STK39: variants seen among roughly 807,000 people sequenced by gnomAD.
STK39 encodes STE20/SPS1-related proline-alanine-rich protein kinase.
STK39 carries 20 observed loss-of-function variants against 77.8 expected under a neutral mutation model. The ratio of observed to expected loss-of-function variants is 0.26; its 90% CI spans 0.18 to 0.37. STK39 has a LOEUF of 0.37. Ranked by LOEUF, STK39 falls within the 10% of genes least tolerant of loss-of-function variation. The pLI is 1.00. For synonymous variants in STK39, 246 were observed against 234.1 expected, an observed-to-expected ratio of 1.05 and a Z score of -0.47; for missense variants, 479 against 656.5, an observed-to-expected ratio of 0.73 and a Z score of 2.95.
chr2:168,032,566 C>A (rs1684855467), intron 14 of STK39, among the ~76,000 whole-genome samples: 1 of 152,184 alleles, frequency 6.6e-6, no homozygotes, highest in Admixed American at 6.5e-5. Flanking sequence ...TCTTTCCTGA[C>A]CTCTTGAGTA....
chr2:168,167,157 G>A (rs1165950229), intron 3 of STK39, 142 bp downstream of exon 3: 24 of 686,032 alleles, frequency 3.5e-5, no homozygotes, highest in Middle Eastern at 2.8e-4. Flanking sequence ...CAATCTGGAC[G>A]TTATCCTCTA....
At chr2:168,184,276 T>C (rs1689151907) in intron 1 of STK39, among the ~76,000 whole-genome samples, 1 of 152,200 alleles carries the variant, frequency 6.6e-6, no homozygotes. Context: ...AATCTTTTAT[T>C]AAAGCTTTAC....
At chr2:168,069,627 C>T (rs1231335436) in intron 12 of STK39, among the ~76,000 whole-genome samples, 1 of 152,230 alleles carries the variant, frequency 6.6e-6, no homozygotes, top group African/African-American at 2.4e-5. Context: ...AGCACACCAG[C>T]TTCCTGGATT....
At chr2:168,012,507 A>G (rs775039300) in intron 16 of STK39, 127 bp downstream of exon 16, 77 of 742,386 alleles carry the variant, frequency 1.0e-4, no homozygotes, top group Non-Finnish European at 1.6e-4. Flanking sequence ...TACATAAAAG[A>G]TAAGAATTCA....
chr2:168,177,370 G>A (rs1261262750), intron 2 of STK39, among the ~76,000 whole-genome samples: 3 of 152,148 alleles, frequency 2.0e-5, no homozygotes, highest in African/African-American at 7.2e-5. Context: ...ATGAGCAAAT[G>A]AGGCTGAATT....
At chr2:168,121,058 A>G (rs7581207) in intron 10 of STK39, among the ~76,000 whole-genome samples, 119,674 of 152,140 alleles carry the variant, frequency 0.79, 47,134 homozygotes, top group Non-Finnish European at 0.81. Flanking sequence ...AATGACAAAT[A>G]CGCTCCCATT....
chr2:168,192,828 C>G (rs141702500), intron 1 of STK39, among the ~76,000 whole-genome samples: 7 of 152,296 alleles, frequency 4.6e-5, no homozygotes, highest in African/African-American at 1.4e-4. Context: ...GAAACTAGAA[C>G]CAGGTCCACT....
At chr2:168,045,056 AAAAC>A (rs1052624524) in intron 14 of STK39, among the ~76,000 whole-genome samples, 11 of 152,178 alleles carry the variant, frequency 7.2e-5, no homozygotes, top group South Asian at 2.1e-4. Flanking sequence ...AAAAAAACAA[AAAAC>A]AAACAAACAA....
chr2:168,073,579 G>A (rs1390264405), intron 12 of STK39, among the ~76,000 whole-genome samples: 1 of 152,132 alleles, frequency 6.6e-6, no homozygotes, highest in Non-Finnish European at 1.5e-5. Flanking sequence ...TCCACGTGGG[G>A]CTCATCACCC....
chr2:167,956,702 T>TCACACACACA (rs1392202471), intron 17 of STK39, among the ~76,000 whole-genome samples: 1 of 75,828 alleles, frequency 1.3e-5, no homozygotes. Flanking sequence ...ACACACTCTC[T>TCACACACACA]CTCTCTCTCT....
intron 1 of STK39, among the ~76,000 whole-genome samples, chr2:168,240,773 G>A (rs6739351): frequency 6.6e-6 from 1 of 152,224 alleles, no homozygotes; most frequent in Non-Finnish European, 1.5e-5. Context: ...CTCAGCATTT[G>A]ATGTGGTAAT....
intron 10 of STK39, among the ~76,000 whole-genome samples, chr2:168,093,000 T>C (rs2105436975): frequency 6.6e-6 from 1 of 152,282 alleles, no homozygotes; most frequent in East Asian, 1.9e-4. Context: ...CACCCTCTCC[T>C]GTGATTTGCA....
intron 1 of STK39, among the ~76,000 whole-genome samples, chr2:168,215,323 C>T (rs561685332): frequency 1.3e-5 from 2 of 152,212 alleles, no homozygotes; most frequent in South Asian, 2.1e-4. Context: ...AGAAAAAAAA[C>T]GTTAGCTGGA....
At chr2:168,148,238 T>C (rs1045591623) in intron 5 of STK39, among the ~76,000 whole-genome samples, 26 of 152,360 alleles carry the variant, frequency 1.7e-4, no homozygotes, top group Admixed American at 8.5e-4. Flanking sequence ...CTAATACTTC[T>C]GTTTGTTTTC....
chr2:168,086,279 T>C (rs375877883), intron 10 of STK39, among the ~76,000 whole-genome samples: 1 of 152,246 alleles, frequency 6.6e-6, no homozygotes, highest in Non-Finnish European at 1.5e-5. Flanking sequence ...TGTTTTCTAA[T>C]TGTGTATACT....
chr2:168,192,736 T>A (rs1378524546), intron 1 of STK39, among the ~76,000 whole-genome samples: 1 of 152,226 alleles, frequency 6.6e-6, no homozygotes, highest in Non-Finnish European at 1.5e-5. Context: ...AATATAAATG[T>A]ACATGTCTAG....
chr2:168,194,026 T>TG, intron 1 of STK39, among the ~76,000 whole-genome samples: 1 of 152,302 alleles, frequency 6.6e-6, no homozygotes, highest in East Asian at 1.9e-4. Flanking sequence ...GGTGCCAGCC[T>TG]GGGAAGGGTC....
At chr2:168,074,470 A>G (rs1686023004) in intron 12 of STK39, among the ~76,000 whole-genome samples, 2 of 152,214 alleles carry the variant, frequency 1.3e-5, no homozygotes, top group South Asian at 4.1e-4. Context: ...GGAAGCTGTT[A>G]AAATTTTTTG....
chr2:168,009,260 G>A (rs1343354146), intron 16 of STK39, among the ~76,000 whole-genome samples: 1 of 152,136 alleles, frequency 6.6e-6, no homozygotes, highest in African/African-American at 2.4e-5. Context: ...ATCTAGTAAA[G>A]AGGGAAATAG....
Sources: gnomAD v4.1 joint callset for allele counts (sites outside exome capture counted in the v4.1 genomes callset) on GRCh38, gnomAD v4.1.1 for gene constraint, MANE v1.5 for transcripts, NCBI Gene and HGNC (gene_info 2026-07-23, HGNC 2026-07-21) for gene names.